RYR3: variants seen among roughly 807,000 people sequenced by gnomAD.
The protein encoded by RYR3 is brain ryanodine receptor-calcium release channel.
Under a neutral mutation model 584.3 loss-of-function variants are expected in RYR3, and 207 were observed. That is an observed-to-expected ratio of 0.35 (90% CI 0.32 to 0.40). The LOEUF (loss-of-function observed/expected upper bound fraction) is 0.40, where lower values mean the gene tolerates loss of function less well. RYR3 is among the 10% of genes least tolerant of loss of function. The pLI is 1.00. For synonymous variants in RYR3, 2,416 were observed against 2,248.5 expected, an observed-to-expected ratio of 1.07 and a Z score of -2.11; for missense variants, 5,616 against 6,089.2, an observed-to-expected ratio of 0.92 and a Z score of 2.59.
At position 33,700,981 on chromosome 15, in the gene RYR3, C is replaced by G. The variant is rs771564227; in HGVS notation, c.6384C>G (p.Ser2128=). 3 of 1,612,094 alleles carry G rather than the reference C, an allele frequency of 1.9e-6. No homozygotes were observed. The highest frequency in any genetic ancestry group is 2.5e-6 in the Non-Finnish European group (3 of 1,178,804). The change falls in exon 42 of 104, where the codon TCC becomes TCG. Residue 2128 remains serine (S), a synonymous_variant. Transcript: ENST00000634891. ...AATTCTCCCCTCCTCCCTCAGCCTC[C>G]CCGTCGATGAGGGGATCCACCCCGC... ...LLENSSVGLA[S]PSMRGSTPLD... is the part of the protein sequence containing the mutation.
chr15:33,603,418 T>C, intron 18 of RYR3, 54 bp downstream of exon 18: 4 of 1,494,814 alleles, frequency 2.7e-6, no homozygotes, highest in Non-Finnish European at 3.6e-6. Context: ...TGATGGAGGC[T>C]CAAATTATTC....
intron 63 of RYR3, among the ~76,000 whole-genome samples, chr15:33,773,247 G>A (rs189716829): frequency 6.6e-6 from 1 of 152,310 alleles, no homozygotes; most frequent in African/African-American, 2.4e-5. Context: ...ATTATGGAAG[G>A]ACCCATTGGT....
chr15:33,641,918 T>G (rs1172326233), intron 27 of RYR3, among the ~76,000 whole-genome samples: 1 of 152,186 alleles, frequency 6.6e-6, no homozygotes, highest in African/African-American at 2.4e-5. Flanking sequence ...TCTGGGGCAT[T>G]CATCCCCTGA....
At chr15:33,735,125 GTTTAT>G (rs966843641) in intron 48 of RYR3, among the ~76,000 whole-genome samples, 9 of 152,048 alleles carry the variant, frequency 5.9e-5, no homozygotes, top group Non-Finnish European at 1.3e-4. Flanking sequence ...TTTTTTCATT[GTTTAT>G]TTTAATAAGT....
chr15:33,752,016 G>A (rs1321661112), intron 57 of RYR3, among the ~76,000 whole-genome samples: 1 of 152,060 alleles, frequency 6.6e-6, no homozygotes, highest in East Asian at 1.9e-4. Context: ...TTTTTGTCAG[G>A]TTTGTCAAAG....
At chr15:33,340,623 C>T (rs950700353) in intron 1 of RYR3, among the ~76,000 whole-genome samples, 2 of 152,134 alleles carry the variant, frequency 1.3e-5, no homozygotes, top group Non-Finnish European at 2.9e-5. Flanking sequence ...CCTCATGTGG[C>T]CTTTTCTCTT....
chr15:33,788,428 C>G lies in RYR3; in HGVS notation c.9800C>G (p.Pro3267Arg). 6.2e-7 allele frequency: 1 copy of G among 1,613,886 alleles called. No individual in the cohort carries two copies. The highest frequency in any genetic ancestry group is 8.5e-7 in the Non-Finnish European group (1 of 1,179,796). Residue 3267 changes from proline to arginine, a missense_variant, in exon 67 of 104, where the codon CCC becomes CGC. By Grantham distance (103) the Pro-to-Arg change is moderately radical. Around this residue, in one of 9 missense-constraint regions of RYR3, gnomAD observed 954 missense variants for 1,132.2 expected, o/e 0.84. Transcript: ENST00000634891. Reference protein sequence around the residue: ...VLCRDLYAFYPMLIRYVDNNR... With the variant: ...VLCRDLYAFYRMLIRYVDNNR... The stretch of plus-strand genomic sequence containing the variant: ...TGCAGAGATCTCTATGCCTTCTACC[C>G]CATGCTGATCCGCTACGTGGACAAC...
At chr15:33,462,265 A>T (rs766169992) in intron 1 of RYR3, among the ~76,000 whole-genome samples, 4 of 152,204 alleles carry the variant, frequency 2.6e-5, no homozygotes, top group Non-Finnish European at 4.4e-5. Context: ...TGTTCTGACA[A>T]ATTTACTGAC....
chr15:33,817,834 A>C (rs1419520019), intron 75 of RYR3, among the ~76,000 whole-genome samples: 1 of 152,176 alleles, frequency 6.6e-6, no homozygotes, highest in Admixed American at 6.5e-5. Context: ...CTTCTTCTGA[A>C]CCATTCATAC....
intron 14 of RYR3, 149 bp from the exon 15 acceptor site, chr15:33,584,246 A>G (rs1293952369): frequency 1.8e-6 from 1 of 544,072 alleles, no homozygotes; most frequent in Non-Finnish European, 3.3e-6. Flanking sequence ...AAAAAAAAGA[A>G]AGAATTGTGT....
At chr15:33,459,247 G>C (rs2047819442) in intron 1 of RYR3, among the ~76,000 whole-genome samples, 1 of 152,166 alleles carries the variant, frequency 6.6e-6, no homozygotes, top group Non-Finnish European at 1.5e-5. Flanking sequence ...TTTTCCTGTA[G>C]GCTCATCAAA....
intron 67 of RYR3, among the ~76,000 whole-genome samples, chr15:33,796,242 C>G (rs550040381): frequency 6.6e-6 from 1 of 152,110 alleles, no homozygotes; most frequent in African/African-American, 2.4e-5. Flanking sequence ...TCAAGTGATT[C>G]TCCTGCCTCA....
At chr15:33,717,185 G>C (rs552870389) in intron 43 of RYR3, among the ~76,000 whole-genome samples, 2 of 152,092 alleles carry the variant, frequency 1.3e-5, no homozygotes. Context: ...TGAATTCCAC[G>C]TATACACTGA....
At chr15:33,363,645 G>A (rs2141026275) in intron 1 of RYR3, among the ~76,000 whole-genome samples, 1 of 152,260 alleles carries the variant, frequency 6.6e-6, no homozygotes, top group South Asian at 2.1e-4. Flanking sequence ...CTGAGTACAA[G>A]CTTTTTGTCA....
intron 1 of RYR3, among the ~76,000 whole-genome samples, chr15:33,434,697 T>G (rs1274197317): frequency 2.0e-5 from 3 of 152,190 alleles, no homozygotes; most frequent in African/African-American, 7.2e-5. Context: ...CCCTCCCCAG[T>G]TGTATTTCTC....
intron 22 of RYR3, among the ~76,000 whole-genome samples, chr15:33,630,337 A>G (rs1356307389): frequency 1.3e-5 from 2 of 152,224 alleles, no homozygotes; most frequent in African/African-American, 4.8e-5. Flanking sequence ...AAATAAAGGA[A>G]AAAAAATGAA....
Position 33,740,857 on chromosome 15 carries a change from T to C in RYR3, c.7820+862T>C, listed in dbSNP as rs555516912. ...TGTGTAACATTCGTCTTTGGGACAA[T>C]TAAACACACATTCCGTTGGAAAGAG... On this transcript the variant is annotated intron_variant, in intron 51 of 103. Transcript: ENST00000634891. Among the ~76,000 whole-genome samples, 3 of 152,350 alleles carry C rather than the reference T, an allele frequency of 2.0e-5. No homozygotes were observed. The South Asian group carries it at 6.2e-4, about 32-fold the overall frequency.
intron 36 of RYR3, among the ~76,000 whole-genome samples, chr15:33,667,027 T>G (rs958183052): frequency 2.0e-5 from 3 of 152,262 alleles, no homozygotes; most frequent in African/African-American, 7.2e-5. Flanking sequence ...TTACTGTAAT[T>G]TAACCTCACA....
At chr15:33,313,608 A>G (rs967353350) in intron 1 of RYR3, among the ~76,000 whole-genome samples, 1 of 152,170 alleles carries the variant, frequency 6.6e-6, no homozygotes, top group African/African-American at 2.4e-5. Context: ...GAACTCACTC[A>G]GTTACCTTTG....
Sources: allele counts gnomAD v4.1 joint callset (sites outside exome capture counted in the v4.1 genomes callset), GRCh38; gene constraint gnomAD v4.1.1; regional missense constraint gnomAD v4.1.1; transcripts MANE v1.5; gene names NCBI Gene and HGNC (gene_info 2026-07-23, HGNC 2026-07-21).